ZNF384: variants seen among roughly 807,000 people sequenced by gnomAD.
ZNF384 encodes the protein CAG repeat protein 1.
A neutral mutation model predicts 65.0 loss-of-function variants in ZNF384; 20 were observed. That is an observed-to-expected ratio of 0.31 (90% CI 0.22 to 0.45). ZNF384 has a LOEUF of 0.45. Ranked by LOEUF, ZNF384 falls within the 20% of genes least tolerant of loss-of-function variation. The pLI, the probability that ZNF384 is intolerant of heterozygous loss-of-function variation, is 1.00. For synonymous variants in ZNF384, 310 were observed against 303.9 expected, an observed-to-expected ratio of 1.02 and a Z score of -0.21; for missense variants, 549 against 769.4, an observed-to-expected ratio of 0.71 and a Z score of 3.39.
At position 6,680,696 on chromosome 12, in the gene ZNF384, C is replaced by T. The variant is rs576642588; in HGVS notation, c.-5-1171G>A. 2.4e-3 allele frequency among the ~76,000 whole-genome samples: 362 copies of T among 152,042 alleles called. 2 individuals are homozygous for T. Among genetic ancestry groups the T allele is most frequent in the African/African-American group, 8.0e-3 (330 of 41,490 alleles). ...CAAAACATATTTTGAGTACCAACTA[C>T]TATCTGAAGACCACACCCCACCAAT... On this transcript the variant is annotated intron_variant, in intron 2 of 11. Coordinates refer to ENST00000683879, the MANE Select transcript of ZNF384 (RefSeq NM_001385745.1).
intron 2 of ZNF384, among the ~76,000 whole-genome samples, chr12:6,682,018 G>A (rs1956140804): frequency 6.6e-6 from 1 of 151,758 alleles, no homozygotes; most frequent in African/African-American, 2.4e-5. Context: ...ACGGCTGAGT[G>A]TGGTGGCTCA....
At chr12:6,677,372 TC>T in intron 6 of ZNF384, 113 bp from the exon 7 acceptor site, 1 of 1,154,960 alleles carries the variant, frequency 8.7e-7, no homozygotes, top group Non-Finnish European at 1.1e-6. Flanking sequence ...ACAGTAGTTA[TC>T]CCACTCTATA....
rs1274077858 is a variant in ZNF384 at position 6,667,963 on chromosome 12, C to T, written c.1578G>A (p.Gln526=). The T allele has an allele frequency of 1.2e-6, 2 of 1,611,356 alleles. No individual in the cohort carries two copies. The highest frequency in any genetic ancestry group is 1.3e-5 in the African/African-American group (1 of 74,716). The change falls in exon 12 of 12, where the codon CAG becomes CAA. Residue 526 remains glutamine, a synonymous_variant. Coordinates refer to ENST00000683879, the MANE Select transcript of ZNF384 (RefSeq NM_001385745.1). ...QAQAQAQAQA[Q]ASQASQQQQQ... is the part of the protein sequence containing the mutation. The stretch of plus-strand genomic sequence containing the variant: ...GCTGCTGCTGTGATGCCTGGGAGGC[C>T]TGGGCCTGGGCCTGGGCTTGAGCCT...
At chr12:6,689,569 G>C (rs188053808), upstream of ZNF384, 1 of 152,320 alleles carries the variant, frequency 6.6e-6, no homozygotes, top group Non-Finnish European at 1.5e-5. Context: ...TCACTTCCGG[G>C]AGTGGCTGGA....
chr12:6,673,152 G>A lies in ZNF384; in HGVS notation c.1004+64C>T. ...AATAATACATGTGGAGAGAGGAGTA[G>A]GTGCAGGCAACATGGTCTTAGGGTT... On this transcript the variant is annotated intron_variant, in intron 8 of 11. Transcript: ENST00000683879. The surrounding 1 kb of genome is among the most constrained non-coding windows in gnomAD (Gnocchi z 4.7). 1 of 1,440,288 alleles carries A rather than the reference G, an allele frequency of 6.9e-7. No individual in the cohort carries two copies. The highest frequency in any genetic ancestry group is 1.8e-4 in the Middle Eastern group (1 of 5,662). 89.2% of individuals were successfully genotyped at this position (1,440,288 alleles called of 1,614,324 possible). A position where few individuals can be genotyped will look rare whatever the true frequency, so the allele number is the denominator to read the frequency against.
At chr12:6,676,059 G>A (rs1295839683) in intron 7 of ZNF384, among the ~76,000 whole-genome samples, 2 of 152,184 alleles carry the variant, frequency 1.3e-5, no homozygotes, top group African/African-American at 4.8e-5. Flanking sequence ...CAGCACTCTG[G>A]GAGGCCGAGG....
At position 6,689,257 on chromosome 12, in the gene ZNF384, C is replaced by G. The variant is rs1205545794; in HGVS notation, c.-225G>C. ...AGCGCGCGGGCACGCACTTCTGGAG[C>G]GAGACAGACCCACACACTCACACGC... is the stretch of plus-strand genomic sequence containing the variant. On this transcript the variant is annotated 5_prime_UTR_variant, in exon 1 of 12. Coordinates refer to ENST00000683879, the MANE Select transcript of ZNF384 (RefSeq NM_001385745.1). The G allele has an allele frequency of 1.3e-5, 2 of 152,658 alleles. No individual in the cohort carries two copies. The highest frequency in any genetic ancestry group is 1.3e-4 in the Admixed American group (2 of 15,294). The allele number at this position is 152,658 out of a possible 1,614,324, so 9.5% of individuals were successfully genotyped here. A position where few individuals can be genotyped will look rare whatever the true frequency, so the allele number is the denominator to read the frequency against.
intron 2 of ZNF384, among the ~76,000 whole-genome samples, chr12:6,683,084 A>G (rs1057252552): frequency 9.2e-5 from 14 of 151,732 alleles, no homozygotes; most frequent in African/African-American, 3.1e-4. Flanking sequence ...TGAGGTCAGG[A>G]CTTTGAGACC....
Position 6,673,129 on chromosome 12 carries a change from T to C in ZNF384, c.1004+87A>G. The C allele has an allele frequency of 1.6e-6, 2 of 1,227,592 alleles. No individual in the cohort carries two copies. Among genetic ancestry groups the C allele is most frequent in the Admixed American group, 2.2e-5 (1 of 46,308 alleles). 76.0% of individuals were successfully genotyped at this position (1,227,592 alleles called of 1,614,324 possible). A position where few individuals can be genotyped will look rare whatever the true frequency, so the allele number is the denominator to read the frequency against. On this transcript the variant is annotated intron_variant, in intron 8 of 11. Coordinates refer to ENST00000683879, the MANE Select transcript of ZNF384 (RefSeq NM_001385745.1). This position sits in a 1 kb window ranked among gnomAD's most constrained non-coding sequence, Gnocchi z 4.7. Reference sequence around the variant, plus strand: ...ATGGGCAAAGGTGAAAGGGAAAGAATAATACATGTGGAGAGAGGAGTAGGT... The same window carrying C: ...ATGGGCAAAGGTGAAAGGGAAAGAACAATACATGTGGAGAGAGGAGTAGGT...
intron 6 of ZNF384, 43 bp from the exon 7 acceptor site, chr12:6,677,302 C>A: frequency 7.8e-7 from 1 of 1,289,690 alleles, no homozygotes; most frequent in South Asian, 1.3e-5. Flanking sequence ...CACTAAGGAA[C>A]TAAGGACAGA....
intron 10 of ZNF384, among the ~76,000 whole-genome samples, chr12:6,670,069 T>C (rs2136455617): frequency 6.6e-6 from 1 of 152,338 alleles, no homozygotes; most frequent in Non-Finnish European, 1.5e-5. Context: ...TTACATGATG[T>C]GTGATAACAC....
chr12:6,689,406 A>C (rs1438331630), upstream of ZNF384: 1 of 152,244 alleles, frequency 6.6e-6, no homozygotes, highest in Non-Finnish European at 1.5e-5. Context: ...CGCGAACCCC[A>C]GTTCCTCCAC....
rs989187372 is a variant in ZNF384 at position 6,687,536 on chromosome 12, G to C, written c.-6+631C>G. The stretch of plus-strand genomic sequence containing the variant: ...TAAGTTCTGAACTCAAACTCTTTAG[G>C]TCCACTCACTGTCATTTTCAGGCTA... On this transcript the variant is annotated intron_variant, in intron 2 of 11. Coordinates refer to ENST00000683879, the MANE Select transcript of ZNF384 (RefSeq NM_001385745.1). Among the ~76,000 whole-genome samples, 3 of 152,010 alleles carry C rather than the reference G, an allele frequency of 2.0e-5. No individual in the cohort carries two copies. The South Asian group carries it at 6.2e-4, about 32-fold the overall frequency.
In ZNF384 at chr12:6,680,217, A is replaced by G. The variant is rs115662328; in HGVS notation, c.-5-692T>C. Among the ~76,000 whole-genome samples the G allele has an allele frequency of 7.7e-3, 1,168 of 152,290 alleles. 15 individuals are homozygous for G. Among genetic ancestry groups the G allele is most frequent in the African/African-American group, 0.025 (1,020 of 41,558 alleles). On this transcript the variant is annotated intron_variant, in intron 2 of 11. Coordinates refer to ENST00000683879, the MANE Select transcript of ZNF384 (RefSeq NM_001385745.1). ...TAGGCTCAAGGGATCAGCCCACCTTAGTCTCCCAAAGTGCTGGGATTACAG... is the reference window on the plus strand; with the variant it reads ...TAGGCTCAAGGGATCAGCCCACCTTGGTCTCCCAAAGTGCTGGGATTACAG...
intron 2 of ZNF384, 137 bp from the exon 3 acceptor site, chr12:6,679,662 G>A: frequency 1.5e-6 from 1 of 656,486 alleles, no homozygotes; most frequent in South Asian, 1.8e-5. Context: ...TCAAGACTTA[G>A]TGTCTAGCAC....
rs114935008 is a variant in ZNF384 at position 6,672,082 on chromosome 12, T to C, written c.1187+268A>G. 1,581 of 392,242 alleles carry C rather than the reference T, an allele frequency of 4.0e-3. 25 individuals are homozygous for C. Among genetic ancestry groups the C allele is most frequent in the African/African-American group, 0.026 (1,258 of 49,056 alleles). 24.3% of individuals were successfully genotyped at this position (392,242 alleles called of 1,614,324 possible). A position where few individuals can be genotyped will look rare whatever the true frequency, so the allele number is the denominator to read the frequency against. The stretch of plus-strand genomic sequence containing the variant: ...AGGAAAATTAGAGAAAAGTTGTTTC[T>C]ACTCCAGGTACGTGTCTGTCTCCCA... On this transcript the variant is annotated intron_variant, in intron 9 of 11. Coordinates refer to ENST00000683879, the MANE Select transcript of ZNF384 (RefSeq NM_001385745.1). This position sits in a 1 kb window ranked among gnomAD's most constrained non-coding sequence, Gnocchi z 4.4.
rs887932565 is a variant in ZNF384, at chr12:6,666,524, T to TG, written c.*1189dup. The TG allele has an allele frequency of 6.2e-6, 1 of 161,654 alleles. No homozygotes were observed. The highest frequency in any genetic ancestry group is 2.4e-5 in the African/African-American group (1 of 41,718). The allele number at this position is 161,654 out of a possible 1,614,324, so 10.0% of individuals were successfully genotyped here. A position where few individuals can be genotyped will look rare whatever the true frequency, so the allele number is the denominator to read the frequency against. ...TATACAATGTTCTAAAAACACCCCT[T>TG]GGTTTGTACATAAGTTTTTTTCTTT... On this transcript the variant is annotated 3_prime_UTR_variant, in exon 12 of 12. Coordinates refer to ENST00000683879, the MANE Select transcript of ZNF384 (RefSeq NM_001385745.1).
At chr12:6,688,999 C>T (rs1194397774) in intron 1 of ZNF384, 99 bp downstream of exon 1, 1 of 152,334 alleles carries the variant, frequency 6.6e-6, no homozygotes, top group Non-Finnish European at 1.5e-5. Flanking sequence ...CACACACAGT[C>T]ACATCGTGGA....
rs1284147386 is a variant in ZNF384, at chr12:6,678,492, T to C, written c.353-32A>G. 11 of 1,558,900 alleles carry C rather than the reference T, an allele frequency of 7.1e-6. No individual in the cohort carries two copies. The highest frequency in any genetic ancestry group is 8.7e-6 in the Non-Finnish European group (10 of 1,146,710). On this transcript the variant is annotated intron_variant, in intron 5 of 11. Coordinates refer to ENST00000683879, the MANE Select transcript of ZNF384 (RefSeq NM_001385745.1). The surrounding 1 kb of genome is among the most constrained non-coding windows in gnomAD (Gnocchi z 4.9). ...TTGGGAGAAAAAGGAGATGGCGTCATGTTGTTCAGTCCTGATCCTAATCCT... is the reference window on the plus strand; with the variant it reads ...TTGGGAGAAAAAGGAGATGGCGTCACGTTGTTCAGTCCTGATCCTAATCCT...
Sources: gnomAD v4.1 joint callset for allele counts (sites outside exome capture counted in the v4.1 genomes callset) on GRCh38, gnomAD v4.1.1 for gene constraint, Gnocchi (gnomAD v3.1) non-coding constraint, MANE v1.5 for transcripts, NCBI Gene and HGNC (gene_info 2026-07-23, HGNC 2026-07-21) for gene names.